SLCO1A2: variants seen among roughly 807,000 people sequenced by gnomAD.
The protein encoded by SLCO1A2 is solute carrier organic anion transporter family member 1A2.
In SLCO1A2, 67 loss-of-function variants were observed where a neutral mutation model predicts 69.0. The observed-to-expected ratio is 0.97, with a 90% CI of 0.80 to 1.19. The LOEUF (loss-of-function observed/expected upper bound fraction) is 1.19, where lower values mean the gene tolerates loss of function less well. Ranked by LOEUF, SLCO1A2 falls within the 50% of genes most tolerant of loss-of-function variation. SLCO1A2 has a pLI of 0.00. For synonymous variants in SLCO1A2, 260 were observed against 265.9 expected, an observed-to-expected ratio of 0.98 and a Z score of 0.22; for missense variants, 787 against 793.7, an observed-to-expected ratio of 0.99 and a Z score of 0.10.
Position 21,314,567 on chromosome 12 carries a change from G to A in SLCO1A2, c.317C>T (p.Pro106Leu). The A allele has an allele frequency of 1.2e-6, 2 of 1,614,064 alleles. No homozygotes were observed. The highest frequency in any genetic ancestry group is 2.2e-5 in the East Asian group (1 of 44,876). The change falls in exon 4 of 15, where the codon CCT becomes CTT. Residue 106 changes from proline (P) to leucine (L), a missense_variant. Pro to Leu is a moderately conservative substitution (Grantham distance 98). Transcript: ENST00000683939. ...TACTTACTGGTTCATGAGGAAATGA[G>A]GTAGTGATTTTAAGAAACAGCCTAA... ...MGLGCFLKSLPHFLMNQYEYE... is the reference protein window; with the variant it reads ...MGLGCFLKSLLHFLMNQYEYE...
At chr12:21,410,074 G>A (rs71446786) in intron 1 of SLCO1A2, among the ~76,000 whole-genome samples, 16,419 of 152,002 alleles carry the variant, frequency 0.11, 1,122 homozygotes, top group East Asian at 0.37. Flanking sequence ...TCTTTTTCAG[G>A]CATGGTATAC....
At chr12:21,281,422 C>T (rs1944768558) in intron 12 of SLCO1A2, among the ~76,000 whole-genome samples, 1 of 151,360 alleles carries the variant, frequency 6.6e-6, no homozygotes, top group Non-Finnish European at 1.5e-5. Context: ...TGCACTCTAA[C>T]TTGAGCGACA....
At chr12:21,295,153 G>C (rs1947510193) in intron 10 of SLCO1A2, 1 of 152,538 alleles carries the variant, frequency 6.6e-6, no homozygotes, top group Admixed American at 6.5e-5. Flanking sequence ...AATTTATCAT[G>C]TATTATGATT....
At chr12:21,361,104 C>T (rs925361092) in intron 2 of SLCO1A2, among the ~76,000 whole-genome samples, 2 of 152,208 alleles carry the variant, frequency 1.3e-5, no homozygotes, top group Non-Finnish European at 2.9e-5. Flanking sequence ...GGGTCCCTGA[C>T]CCCTGAGTAG....
At chr12:21,317,694 A>C (rs1206143056) in intron 3 of SLCO1A2, among the ~76,000 whole-genome samples, 1 of 152,240 alleles carries the variant, frequency 6.6e-6, no homozygotes, top group Non-Finnish European at 1.5e-5. Flanking sequence ...CTAGTAGACA[A>C]GATCAAGAAT....
rs890244567 is a variant in SLCO1A2, at chr12:21,295,796, T to A, written c.1076-4A>T. ...ATTGGAGGTAAGTTATAAATACCTA[T>A]AAATGCAAATAAAATATTATTTACA... On this transcript the variant is annotated splice_polypyrimidine_tract_variant and splice_region_variant and intron_variant, in intron 9 of 14. Coordinates refer to ENST00000683939, the MANE Select transcript of SLCO1A2 (RefSeq NM_001386879.1). 2.2e-6 allele frequency: 3 copies of A among 1,378,752 alleles called. No individual in the cohort carries two copies. The highest frequency in any genetic ancestry group is 3.7e-5 in the Admixed American group (2 of 54,168). The allele number at this position is 1,378,752 out of a possible 1,614,324, so 85.4% of individuals were successfully genotyped here. A position where few individuals can be genotyped will look rare whatever the true frequency, so the allele number is the denominator to read the frequency against.
At position 21,329,149 on chromosome 12, in the gene SLCO1A2, T is replaced by G. The variant is rs1308850504; in HGVS notation, c.60+5439A>C. Among the ~76,000 whole-genome samples, 4 of 152,202 alleles carry G rather than the reference T, an allele frequency of 2.6e-5. No homozygotes were observed. The East Asian group carries it at 7.7e-4, about 29-fold the overall frequency. On this transcript the variant is annotated intron_variant, in intron 2 of 14. Coordinates refer to ENST00000683939, the MANE Select transcript of SLCO1A2 (RefSeq NM_001386879.1). ...TCAACCCAAACAAGCTCTTTCATTT[T>G]GTAGCCTTCAAAATAAAGGATTCTT...
chr12:21,374,694 G>A (rs1005393456), intron 1 of SLCO1A2, among the ~76,000 whole-genome samples: 1 of 152,160 alleles, frequency 6.6e-6, no homozygotes, highest in East Asian at 1.9e-4. Context: ...ATATCTGAAT[G>A]ATGACAGGAA....
chr12:21,351,802 A>G (rs1434410612), intron 2 of SLCO1A2, among the ~76,000 whole-genome samples: 1 of 152,008 alleles, frequency 6.6e-6, no homozygotes, highest in East Asian at 1.9e-4. Context: ...TCATAAAAAT[A>G]AAAATGAAAG....
intron 2 of SLCO1A2, among the ~76,000 whole-genome samples, chr12:21,368,045 T>G (rs1207330307): frequency 6.6e-6 from 1 of 152,142 alleles, no homozygotes; most frequent in Non-Finnish European, 1.5e-5. Context: ...CAGCAAAGAT[T>G]GCTAAAACCA....
chr12:21,312,266 T>C (rs946660333), intron 4 of SLCO1A2, among the ~76,000 whole-genome samples: 1 of 152,200 alleles, frequency 6.6e-6, no homozygotes, highest in African/African-American at 2.4e-5. Context: ...TCCTTAAACC[T>C]CATGAACCCA....
intron 2 of SLCO1A2, among the ~76,000 whole-genome samples, chr12:21,334,087 A>T (rs188468616): frequency 5.3e-4 from 80 of 151,660 alleles, no homozygotes; most frequent in Admixed American, 1.8e-3. Flanking sequence ...TTTTCTCTGA[A>T]ATAGAAAAAA....
At chr12:21,398,687 G>A (rs912892905), upstream of SLCO1A2, among the ~76,000 whole-genome samples, 3 of 151,412 alleles carry the variant, frequency 2.0e-5, no homozygotes, top group African/African-American at 7.3e-5. Context: ...ATGATCAAGT[G>A]GGCTTCATCC....
intron 2 of SLCO1A2, among the ~76,000 whole-genome samples, chr12:21,346,763 TA>T (rs1297193292): frequency 6.6e-6 from 1 of 152,164 alleles, no homozygotes; most frequent in African/African-American, 2.4e-5. Flanking sequence ...CCCATAAAAG[TA>T]ACACTCACAC....
rs866564917 is a variant in SLCO1A2, at chr12:21,293,944, C to CCT, written c.1437_1437+1insAG (p.Val480ArgfsTer30). 6.2e-7 allele frequency: 1 copy of CCT among 1,603,376 alleles called. No homozygotes were observed. The highest frequency in any genetic ancestry group is 1.3e-5 in the African/African-American group (1 of 74,244). ...AAGTTCTGTCAAATAGGATGTCTTA[C>CCT]CATGTTTATTCCCGTTCCAATGGAT... On this transcript the variant is annotated frameshift_variant and splice_region_variant. Transcript: ENST00000683939. LOFTEE classifies it high-confidence loss of function.
chr12:21,359,276 G>C (rs1319512920), intron 2 of SLCO1A2, among the ~76,000 whole-genome samples: 1 of 151,972 alleles, frequency 6.6e-6, no homozygotes, highest in Non-Finnish European at 1.5e-5. Flanking sequence ...ATAGACTCTA[G>C]GTCTGTGGAA....
chr12:21,352,224 A>G (rs910005190), intron 2 of SLCO1A2, among the ~76,000 whole-genome samples: 3 of 152,178 alleles, frequency 2.0e-5, no homozygotes, highest in Non-Finnish European at 4.4e-5. Context: ...CCTAAACTGA[A>G]CTGATCTCTG....
chr12:21,411,123 C>T (rs532288905), intron 1 of SLCO1A2, among the ~76,000 whole-genome samples: 11 of 152,164 alleles, frequency 7.2e-5, no homozygotes, highest in African/African-American at 2.2e-4. Context: ...AAAATCCTTG[C>T]TTTTAGTACA....
intron 12 of SLCO1A2, among the ~76,000 whole-genome samples, chr12:21,283,221 A>G (rs1945131270): frequency 6.6e-6 from 1 of 152,206 alleles, no homozygotes; most frequent in African/African-American, 2.4e-5. Flanking sequence ...AAAAACAGAC[A>G]CATAGACCAA....
Sources: allele counts gnomAD v4.1 joint callset (sites outside exome capture counted in the v4.1 genomes callset), GRCh38; gene constraint gnomAD v4.1.1; transcripts MANE v1.5; gene names NCBI Gene and HGNC (gene_info 2026-07-23, HGNC 2026-07-21).